UBR2: variants seen among roughly 807,000 people sequenced by gnomAD.
The protein encoded by UBR2 is E3 ubiquitin-protein ligase UBR2.
In UBR2, 92 loss-of-function variants were observed where a neutral mutation model predicts 247.9. That is an observed-to-expected ratio of 0.37 (90% CI 0.31 to 0.44). The LOEUF (loss-of-function observed/expected upper bound fraction) is 0.44, where lower values mean the gene tolerates loss of function less well. Among genes scored for constraint, UBR2 ranks in the 20% least tolerant of loss-of-function variants. The pLI, the probability that UBR2 is intolerant of heterozygous loss-of-function variation, is 1.00. For missense variants in UBR2, 1,613 were observed against 2,112.6 expected (o/e 0.76, Z 4.64); for synonymous variants, 672 against 693.5 (o/e 0.97, Z 0.49).
At chr6:42,566,386 CTTTT>C (rs1228888956) in intron 1 of UBR2, among the ~76,000 whole-genome samples, 1 of 152,042 alleles carries the variant, frequency 6.6e-6, no homozygotes, top group Non-Finnish European at 1.5e-5. Context: ...ACCCTGTTTA[CTTTT>C]TTTGTTTGTT....
intron 2 of UBR2, among the ~76,000 whole-genome samples, chr6:42,581,572 TC>T (rs534862093): frequency 2.6e-5 from 4 of 152,160 alleles, no homozygotes; most frequent in African/African-American, 9.7e-5. Context: ...AGTGATGCTC[TC>T]CCCTAAGCCT....
chr6:42,614,280 A>G (rs1213728927), intron 8 of UBR2, among the ~76,000 whole-genome samples: 1 of 133,174 alleles, frequency 7.5e-6, no homozygotes, highest in Non-Finnish European at 1.6e-5. Flanking sequence ...ACGTACATAT[A>G]TATGTATGCA....
intron 11 of UBR2, among the ~76,000 whole-genome samples, chr6:42,629,847 A>C (rs1472777336): frequency 6.6e-6 from 1 of 152,110 alleles, no homozygotes; most frequent in Non-Finnish European, 1.5e-5. Flanking sequence ...TAACTTTGAA[A>C]TATGTGCTTC....
chr6:42,633,581 G>A (rs555448533), intron 13 of UBR2, among the ~76,000 whole-genome samples: 1 of 152,052 alleles, frequency 6.6e-6, no homozygotes, highest in African/African-American at 2.4e-5. Context: ...AATAGAGATA[G>A]GGTTTCACCA....
Position 42,644,340 on chromosome 6 carries a change from A to T in UBR2, c.2220+4A>T. ...TAGTTCTGAGATTACCCATAAGGTAAGAACGTGTTTTATGAAACCACAACA... is the reference window on the plus strand; with the variant it reads ...TAGTTCTGAGATTACCCATAAGGTATGAACGTGTTTTATGAAACCACAACA... On this transcript the variant is annotated splice_donor_region_variant and intron_variant, in intron 19 of 46. Transcript: ENST00000372901. 1 of 1,610,426 alleles carries T rather than the reference A, an allele frequency of 6.2e-7. No homozygotes were observed. Among genetic ancestry groups the T allele is most frequent in the Non-Finnish European group, 8.5e-7 (1 of 1,179,112 alleles).
chr6:42,570,953 G>C (rs1380523508), intron 1 of UBR2, among the ~76,000 whole-genome samples: 2 of 151,626 alleles, frequency 1.3e-5, no homozygotes, highest in African/African-American at 4.8e-5. Flanking sequence ...CCCAAGTGCT[G>C]GGATTACAGG....
At position 42,648,131 on chromosome 6, in the gene UBR2, C is replaced by T. The variant is rs1185435908; in HGVS notation, c.2423C>T (p.Thr808Ile). Residue 808 changes from threonine (T) to isoleucine (I), a missense_variant, in exon 22 of 47, where the codon ACT (threonine) becomes ATT (isoleucine). Coordinates refer to ENST00000372901, the MANE Select transcript of UBR2 (RefSeq NM_001363705.2). Reference sequence around the variant, plus strand: ...CTGTACCTTTAGGAGAACAAGGAGACTGGCATGGAGAGTGTAATCGAAGCA... The same window carrying T: ...CTGTACCTTTAGGAGAACAAGGAGATTGGCATGGAGAGTGTAATCGAAGCA... ...KSLPEDENKE[T>I]GMESVIEAVA... 6.2e-7 allele frequency: 1 copy of T among 1,613,812 alleles called. No individual in the cohort carries two copies. Among genetic ancestry groups the T allele is most frequent in the East Asian group, 2.2e-5 (1 of 44,860 alleles).
intron 4 of UBR2, among the ~76,000 whole-genome samples, 157 bp from the exon 5 acceptor site, chr6:42,603,431 G>A (rs1793509031): frequency 6.6e-6 from 1 of 152,186 alleles, no homozygotes; most frequent in Non-Finnish European, 1.5e-5. Context: ...ATTTGGTAGG[G>A]TGGTAATGTA....
At chr6:42,589,213 C>G (rs957208346) in intron 2 of UBR2, among the ~76,000 whole-genome samples, 1 of 152,200 alleles carries the variant, frequency 6.6e-6, no homozygotes, top group Admixed American at 6.5e-5. Flanking sequence ...AAGCGATCCT[C>G]TCACCTCAGC....
chr6:42,609,981 C>T (rs944215725), intron 7 of UBR2, among the ~76,000 whole-genome samples: 1 of 151,260 alleles, frequency 6.6e-6, no homozygotes, highest in African/African-American at 2.4e-5. Flanking sequence ...AAGATACCAC[C>T]TCACACCTAT....
rs537144244 is a variant in UBR2 at position 42,605,910 on chromosome 6, G to A, written c.801+51G>A. On this transcript the variant is annotated intron_variant, in intron 6 of 46. Coordinates refer to ENST00000372901, the MANE Select transcript of UBR2 (RefSeq NM_001363705.2). ...TAAATTGAATTTTTACTATAGGTAA[G>A]TTACTATAGGTAACTGGAGAATTGA... is the stretch of plus-strand genomic sequence containing the variant. The A allele has an allele frequency of 3.4e-5, 49 of 1,461,158 alleles. No homozygotes were observed. In the African/African-American group the frequency reaches 5.6e-4, roughly 17 times the overall value. 90.5% of individuals were successfully genotyped at this position (1,461,158 alleles called of 1,614,324 possible).
intron 25 of UBR2, among the ~76,000 whole-genome samples, chr6:42,655,180 A>G (rs1484945176): frequency 6.6e-6 from 1 of 152,216 alleles, no homozygotes; most frequent in Non-Finnish European, 1.5e-5. Flanking sequence ...TCATTTAATA[A>G]AAATTAGTAC....
chr6:42,649,589 A>G (rs928885557), intron 22 of UBR2, among the ~76,000 whole-genome samples: 3 of 152,158 alleles, frequency 2.0e-5, no homozygotes, highest in South Asian at 4.1e-4. Context: ...AACTTTGTCA[A>G]CACTTTAATA....
chr6:42,617,475 C>T lies in UBR2; in HGVS notation c.1249C>T (p.Leu417Phe). Residue 417 changes from leucine (L) to phenylalanine (F), a missense_variant, in exon 11 of 47, where the codon CTC becomes TTC. Physicochemically the swap from Leu to Phe is conservative, Grantham distance 22. Transcript: ENST00000372901. Reference protein sequence around the residue: ...DHDREFSVADLSVQIFTVPSL... With the variant: ...DHDREFSVADFSVQIFTVPSL... ...CGACAGAGAGTTTTCAGTCGCAGAC[C>T]TCTCGGTTCAGATATTCACGGTTCC... 1 of 1,553,568 alleles carries T rather than the reference C, an allele frequency of 6.4e-7. No individual in the cohort carries two copies.
At chr6:42,626,907 T>A (rs1795381957) in intron 11 of UBR2, among the ~76,000 whole-genome samples, 1 of 152,200 alleles carries the variant, frequency 6.6e-6, no homozygotes, top group Non-Finnish European at 1.5e-5. Flanking sequence ...TTTTTCTCCC[T>A]AATAATAGCA....
intron 21 of UBR2, among the ~76,000 whole-genome samples, chr6:42,646,175 A>C (rs1796742755): frequency 2.6e-5 from 4 of 152,174 alleles, no homozygotes; most frequent in Admixed American, 2.6e-4. Flanking sequence ...GGGGTTTTTC[A>C]GAAACTCAAC....
At chr6:42,595,109 G>C (rs1017333736) in intron 4 of UBR2, among the ~76,000 whole-genome samples, 14 of 152,240 alleles carry the variant, frequency 9.2e-5, no homozygotes, top group African/African-American at 3.1e-4. Context: ...GAGCAAATCA[G>C]GGTAATTAAC....
intron 2 of UBR2, among the ~76,000 whole-genome samples, chr6:42,585,407 G>A (rs73438672): frequency 5.3e-5 from 8 of 152,116 alleles, no homozygotes; most frequent in Admixed American, 5.2e-4. Context: ...CTCTTGTAAT[G>A]TGTTTGTCCG....
intron 4 of UBR2, among the ~76,000 whole-genome samples, chr6:42,595,126 A>G (rs962848388): frequency 2.6e-5 from 4 of 152,222 alleles, no homozygotes; most frequent in Non-Finnish European, 4.4e-5. Context: ...TAACATATCC[A>G]TCACCTCAAG....
Sources: allele counts gnomAD v4.1 joint callset (sites outside exome capture counted in the v4.1 genomes callset), GRCh38; gene constraint gnomAD v4.1.1; transcripts MANE v1.5; gene names NCBI Gene and HGNC (gene_info 2026-07-23, HGNC 2026-07-21).